The following CLVS1 variants were observed in gnomAD, a reference collection of about 807,000 sequenced individuals.
CLVS1 encodes clavesin-1.
A neutral mutation model predicts 33.1 loss-of-function variants in CLVS1; 10 were observed. The ratio of observed to expected loss-of-function variants is 0.30; its 90% CI spans 0.19 to 0.51. CLVS1 has a LOEUF of 0.51. Ranked by LOEUF, CLVS1 falls within the 20% of genes least tolerant of loss-of-function variation. CLVS1 has a pLI of 0.97. For synonymous variants in CLVS1, 163 were observed against 166.1 expected (o/e 0.98, Z 0.14); for missense variants, 343 against 433.4 (o/e 0.79, Z 1.85).
At chr8:61,120,116 A>C (rs1230248613) in intron 1 of CLVS1, among the ~76,000 whole-genome samples, 1 of 146,754 alleles carries the variant, frequency 6.8e-6, no homozygotes, top group Non-Finnish European at 1.5e-5. Context: ...GCTTCATTTC[A>C]TTCATTTCAT....
At chr8:61,327,479 A>G (rs1585807074) in intron 2 of CLVS1, among the ~76,000 whole-genome samples, 1 of 152,184 alleles carries the variant, frequency 6.6e-6, no homozygotes, top group East Asian at 1.9e-4. Context: ...GGCAACGTCT[A>G]CATATTATCT....
intron 2 of CLVS1, among the ~76,000 whole-genome samples, chr8:61,352,625 C>T (rs1388911569): frequency 6.6e-6 from 1 of 151,898 alleles, no homozygotes; most frequent in African/African-American, 2.4e-5. Flanking sequence ...ATAAGGTAGT[C>T]TTCAGAGGAA....
chr8:61,336,439 C>T (rs148372127), intron 2 of CLVS1, among the ~76,000 whole-genome samples: 3 of 152,252 alleles, frequency 2.0e-5, no homozygotes, highest in South Asian at 2.1e-4. Context: ...TCAGTGGCTT[C>T]GAGTTTGGCA....
chr8:61,176,267 C>T (rs555916310), intron 2 of CLVS1, among the ~76,000 whole-genome samples: 228 of 152,212 alleles, frequency 1.5e-3, no homozygotes, highest in South Asian at 1.5e-3. Flanking sequence ...GTGAACCCAC[C>T]TGGGAGAGGC....
At chr8:61,059,499 T>TATATACAC (rs1265187479) in intron 1 of CLVS1, among the ~76,000 whole-genome samples, 11 of 96,358 alleles carry the variant, frequency 1.1e-4, no homozygotes, top group Non-Finnish European at 2.0e-4. Context: ...TATATATATA[T>TATATACAC]ACACATATCT....
At chr8:60,994,872 A>G in the CLVS1 span, among the ~76,000 whole-genome samples, 2 of 152,084 alleles carry the variant, frequency 1.3e-5, no homozygotes, top group East Asian at 1.9e-4. Flanking sequence ...ATCTACAACT[A>G]TCTGATCTTT....
intron 2 of CLVS1, among the ~76,000 whole-genome samples, chr8:61,149,949 A>G (rs1444825057): frequency 6.6e-6 from 1 of 152,194 alleles, no homozygotes. Flanking sequence ...GATTCTGCTT[A>G]TTAAGGAAGC....
chr8:61,073,815 A>C (rs1477171925), intron 1 of CLVS1, among the ~76,000 whole-genome samples: 1 of 149,274 alleles, frequency 6.7e-6, no homozygotes, highest in Non-Finnish European at 1.5e-5. Flanking sequence ...GATCGAGACC[A>C]TCCTGGCTAA....
intron 2 of CLVS1, among the ~76,000 whole-genome samples, chr8:61,302,348 A>G (rs1407396022): frequency 1.3e-5 from 2 of 152,172 alleles, no homozygotes; most frequent in East Asian, 3.8e-4. Context: ...ACATTGCTTC[A>G]CTGATGAGAC....
At chr8:61,189,921 A>G (rs918391121) in intron 2 of CLVS1, among the ~76,000 whole-genome samples, 1 of 152,162 alleles carries the variant, frequency 6.6e-6, no homozygotes, top group African/African-American at 2.4e-5. Flanking sequence ...CACAATAATA[A>G]TGGGAGACTT....
chr8:61,395,120 A>C (rs1053067418), intron 3 of CLVS1, among the ~76,000 whole-genome samples: 2 of 152,226 alleles, frequency 1.3e-5, no homozygotes, highest in Admixed American at 6.5e-5. Context: ...ATGGAATACT[A>C]TGCAGCCTTC....
chr8:61,281,237 A>G (rs1286840963), intron 2 of CLVS1, among the ~76,000 whole-genome samples: 1 of 152,222 alleles, frequency 6.6e-6, no homozygotes, highest in East Asian at 1.9e-4. Flanking sequence ...AGGGCTGTTC[A>G]TCACCTAAAG....
the CLVS1 span, among the ~76,000 whole-genome samples, chr8:61,039,621 C>T: frequency 1.3e-5 from 2 of 152,100 alleles, no homozygotes; most frequent in Non-Finnish European, 2.9e-5. Context: ...CAGCTCACTG[C>T]AGCCTCCACC....
chr8:60,972,313 C>A, the CLVS1 span, among the ~76,000 whole-genome samples: 3 of 152,134 alleles, frequency 2.0e-5, no homozygotes, highest in Non-Finnish European at 4.4e-5. Context: ...CTCCAAAGTA[C>A]CCATGGTCAT....
intron 3 of CLVS1, among the ~76,000 whole-genome samples, chr8:61,449,724 T>C (rs1816885409): frequency 6.6e-6 from 1 of 152,228 alleles, no homozygotes; most frequent in Non-Finnish European, 1.5e-5. Flanking sequence ...TGCCTTCTTC[T>C]GTCCCAAGAC....
At chr8:61,083,819 T>C (rs1805070089) in intron 1 of CLVS1, among the ~76,000 whole-genome samples, 1 of 152,174 alleles carries the variant, frequency 6.6e-6, no homozygotes, top group Non-Finnish European at 1.5e-5. Context: ...AAAATTTTCC[T>C]GCGTTGAAGA....
At chr8:61,067,175 C>T (rs1323367139) in intron 1 of CLVS1, among the ~76,000 whole-genome samples, 1 of 152,132 alleles carries the variant, frequency 6.6e-6, no homozygotes, top group African/African-American at 2.4e-5. Context: ...TTTTATAGCA[C>T]TAATTGTATT....
At chr8:61,097,879 T>C (rs964218687) in intron 1 of CLVS1, among the ~76,000 whole-genome samples, 3 of 152,230 alleles carry the variant, frequency 2.0e-5, no homozygotes, top group Non-Finnish European at 4.4e-5. Context: ...TGTGGAAGAA[T>C]GGCTTGGGGG....
At chr8:61,173,713 G>A (rs559063834) in intron 2 of CLVS1, among the ~76,000 whole-genome samples, 197 of 152,294 alleles carry the variant, frequency 1.3e-3, no homozygotes, top group South Asian at 2.9e-3. Flanking sequence ...TGAAACTCAG[G>A]TGATTGGAGT....
Sources: gnomAD v4.1 joint callset for allele counts (sites outside exome capture counted in the v4.1 genomes callset) on GRCh38, gnomAD v4.1.1 for gene constraint, MANE v1.5 for transcripts, NCBI Gene and HGNC (gene_info 2026-07-23, HGNC 2026-07-21) for gene names.